Variants in ARRB1 observed in about 807,000 individuals in gnomAD.
The protein encoded by ARRB1 is beta-arrestin-1.
In ARRB1, 21 loss-of-function variants were observed where a neutral mutation model predicts 56.8. The observed-to-expected ratio is 0.37, with a 90% confidence interval of 0.26 to 0.53. The LOEUF (loss-of-function observed/expected upper bound fraction) is 0.53. ARRB1 is among the 20% of genes least tolerant of loss of function. The probability of loss-of-function intolerance (pLI) is 0.88; values close to 1 mark genes in which losing one functional copy is unlikely to be tolerated. For missense variants in ARRB1, 424 were observed against 553.7 expected, an observed-to-expected ratio of 0.77 and a Z score of 2.35; for synonymous variants, 210 against 218.6, an observed-to-expected ratio of 0.96 and a Z score of 0.35.
chr11:75,349,673 T>C (rs1274321701), intron 1 of ARRB1, among the ~76,000 whole-genome samples: 1 of 152,192 alleles, frequency 6.6e-6, no homozygotes, highest in Non-Finnish European at 1.5e-5. Context: ...CCTGACCTCA[T>C]GGGTCAAGAG....
intron 13 of ARRB1, among the ~76,000 whole-genome samples, chr11:75,269,747 T>C (rs1420165798): frequency 6.6e-6 from 1 of 152,212 alleles, no homozygotes; most frequent in Non-Finnish European, 1.5e-5. Context: ...ACTGGGACAT[T>C]GAGGCATGAG....
chr11:75,302,583 T>C (rs969093278), intron 1 of ARRB1, among the ~76,000 whole-genome samples: 6 of 152,176 alleles, frequency 3.9e-5, no homozygotes, highest in Non-Finnish European at 8.8e-5. Flanking sequence ...GCCCAGAGGC[T>C]GAAGCAGACA....
At chr11:75,347,749 A>G (rs1947794068) in intron 1 of ARRB1, among the ~76,000 whole-genome samples, 2 of 152,210 alleles carry the variant, frequency 1.3e-5, no homozygotes, top group Non-Finnish European at 1.5e-5. Context: ...GGGGACAACA[A>G]TGACTACACT....
At chr11:75,327,809 G>A (rs1239255501) in intron 1 of ARRB1, among the ~76,000 whole-genome samples, 2 of 151,918 alleles carry the variant, frequency 1.3e-5, no homozygotes, top group African/African-American at 2.4e-5. Context: ...GGCTGGTCTC[G>A]AACTCCTGAC....
intron 8 of ARRB1, among the ~76,000 whole-genome samples, chr11:75,277,865 G>A (rs796302269): frequency 2.0e-5 from 3 of 152,366 alleles, no homozygotes; most frequent in Non-Finnish European, 2.9e-5. Flanking sequence ...TAACATTGAC[G>A]ATGATGAAAG....
At chr11:75,316,688 A>G (rs1172849072) in intron 1 of ARRB1, among the ~76,000 whole-genome samples, 1 of 152,140 alleles carries the variant, frequency 6.6e-6, no homozygotes, top group Non-Finnish European at 1.5e-5. Context: ...AGACACAGGC[A>G]GGAGAATCAT....
At chr11:75,317,802 C>T (rs1022313409) in intron 1 of ARRB1, among the ~76,000 whole-genome samples, 4 of 152,188 alleles carry the variant, frequency 2.6e-5, no homozygotes, top group African/African-American at 7.2e-5. Flanking sequence ...AATGATCATC[C>T]GGCTGCACAG....
At position 75,263,420 on chromosome 11, in the gene ARRB1, G is replaced by T. The variant is rs1372576693; in HGVS notation, c.*2743C>A. On this transcript the variant is annotated 3_prime_UTR_variant, in exon 16 of 16. Transcript: ENST00000420843. ...GGGCACCTCTGGCCAAGGGGCAAGGGGTGCTAAAATCCAACCTGTGTGTCA... is the reference window on the plus strand; with the variant it reads ...GGGCACCTCTGGCCAAGGGGCAAGGTGTGCTAAAATCCAACCTGTGTGTCA... 6.6e-6 allele frequency among the ~76,000 whole-genome samples: 1 copy of T among 152,228 alleles called. No individual in the cohort carries two copies. Among genetic ancestry groups the T allele is most frequent in the Non-Finnish European group, 1.5e-5 (1 of 68,042 alleles).
At chr11:75,271,804 C>A in intron 12 of ARRB1, 80 bp from the exon 13 acceptor site, 1 of 1,454,668 alleles carries the variant, frequency 6.9e-7, no homozygotes, top group Non-Finnish European at 9.3e-7. Context: ...ATTCATTCAC[C>A]ACTTCTGCTG....
At chr11:75,274,346 G>A (rs945529983) in intron 10 of ARRB1, 135 bp from the exon 11 acceptor site, 10 of 1,293,028 alleles carry the variant, frequency 7.7e-6, no homozygotes, top group South Asian at 2.8e-5. Flanking sequence ...CCAGACACAC[G>A]GACCACTTGG....
At chr11:75,278,549 A>T (rs980663045) in intron 8 of ARRB1, 60 bp downstream of exon 8, 4 of 1,609,348 alleles carry the variant, frequency 2.5e-6, no homozygotes, top group Non-Finnish European at 3.4e-6. Flanking sequence ...GAGAGCTGGG[A>T]TCTGAGGCCC....
At chr11:75,300,747 A>G (rs1946880884) in intron 1 of ARRB1, among the ~76,000 whole-genome samples, 1 of 149,144 alleles carries the variant, frequency 6.7e-6, no homozygotes, top group African/African-American at 2.6e-5. Flanking sequence ...CGGGCGGATC[A>G]CGAGGTCAGG....
At chr11:75,274,522 T>G in intron 10 of ARRB1, 1 of 247,666 alleles carries the variant, frequency 4.0e-6, no homozygotes, top group Non-Finnish European at 8.0e-6. Flanking sequence ...CCGGGTGCAG[T>G]GGCTCACGCC....
intron 2 of ARRB1, among the ~76,000 whole-genome samples, chr11:75,288,153 G>A (rs1400935249): frequency 2.0e-5 from 3 of 152,146 alleles, no homozygotes; most frequent in South Asian, 4.2e-4. Flanking sequence ...GTGAGCCACC[G>A]TGCCCGGCCT....
intron 1 of ARRB1, among the ~76,000 whole-genome samples, chr11:75,339,292 T>C (rs1478637564): frequency 2.0e-5 from 3 of 152,262 alleles, no homozygotes; most frequent in Admixed American, 1.3e-4. Flanking sequence ...AATGGCAGGT[T>C]TGCTGAGCCC....
chr11:75,309,547 C>A (rs1391297142), intron 1 of ARRB1, among the ~76,000 whole-genome samples: 1 of 152,214 alleles, frequency 6.6e-6, no homozygotes, highest in Non-Finnish European at 1.5e-5. Flanking sequence ...CCTACCACAG[C>A]AAGCGGACCC....
At chr11:75,279,381 T>A (rs1190975979) in intron 7 of ARRB1, among the ~76,000 whole-genome samples, 1 of 152,202 alleles carries the variant, frequency 6.6e-6, no homozygotes, top group East Asian at 1.9e-4. Flanking sequence ...GGCCCATGGA[T>A]GAGACTGGCT....
intron 1 of ARRB1, among the ~76,000 whole-genome samples, chr11:75,342,435 G>A (rs1947704953): frequency 6.6e-6 from 1 of 152,218 alleles, no homozygotes; most frequent in Non-Finnish European, 1.5e-5. Flanking sequence ...CCAGTAATTA[G>A]GTGGGTTCTG....
intron 8 of ARRB1, among the ~76,000 whole-genome samples, chr11:75,278,305 C>T (rs549432168): frequency 3.3e-5 from 5 of 152,218 alleles, no homozygotes; most frequent in Admixed American, 1.3e-4. Flanking sequence ...CTTCAGCACT[C>T]GGCCTGAGGC....
Sources: allele counts gnomAD v4.1 joint callset (sites outside exome capture counted in the v4.1 genomes callset), GRCh38; gene constraint gnomAD v4.1.1; transcripts MANE v1.5; gene names NCBI Gene and HGNC (gene_info 2026-07-23, HGNC 2026-07-21).